Variants in RGMB observed in about 807,000 individuals in gnomAD.
The protein encoded by RGMB is repulsive guidance molecule B.
In RGMB, 16 loss-of-function variants were observed where a neutral mutation model predicts 26.9. The observed-to-expected ratio is 0.60, with a 90% CI of 0.40 to 0.90. The LOEUF (loss-of-function observed/expected upper bound fraction) is 0.90. Among genes scored for constraint, RGMB ranks in the 40% least tolerant of loss-of-function variants. The probability of loss-of-function intolerance (pLI) is 0.00; values close to 1 mark genes in which losing one functional copy is unlikely to be tolerated. For synonymous variants in RGMB, 225 were observed against 229.3 expected (o/e 0.98, Z 0.17); for missense variants, 512 against 573.3 (o/e 0.89, Z 1.09).
chr5:98,792,841 G>C (rs1746976064), intron 2 of RGMB: 1 of 339,358 alleles, frequency 2.9e-6, no homozygotes, highest in Non-Finnish European at 5.3e-6. Context: ...TTTCTCTTAG[G>C]AAAGTAAAAA....
intron 2 of RGMB, among the ~76,000 whole-genome samples, chr5:98,790,039 G>GA (rs1416050140): frequency 6.6e-6 from 1 of 152,166 alleles, no homozygotes; most frequent in Non-Finnish European, 1.5e-5. Flanking sequence ...TTCTGAAGAG[G>GA]AAGACAGTCT....
rs1264377993 is a variant in RGMB, at chr5:98,794,367, G to A, written c.*614G>A. 1 of 151,998 alleles carries A rather than the reference G, an allele frequency of 6.6e-6. No homozygotes were observed. Among genetic ancestry groups the A allele is most frequent in the African/African-American group, 2.4e-5 (1 of 41,402 alleles). 9.4% of individuals were successfully genotyped at this position (151,998 alleles called of 1,614,324 possible). On this transcript the variant is annotated 3_prime_UTR_variant, in exon 3 of 3. Coordinates refer to ENST00000513185, the MANE Select transcript of RGMB (RefSeq NM_001366508.1). Reference sequence around the variant, plus strand: ...AAGAGCTGTTACTTTTTCAGAAGGGGGGGTATTATTGGTATTCTGATTACT... The same window carrying A: ...AAGAGCTGTTACTTTTTCAGAAGGGAGGGTATTATTGGTATTCTGATTACT...
chr5:98,792,036 G>T (rs952982317), intron 2 of RGMB, among the ~76,000 whole-genome samples: 14 of 152,304 alleles, frequency 9.2e-5, no homozygotes, highest in South Asian at 4.1e-4. Flanking sequence ...GAAAACATTT[G>T]CTGTAACTAG....
At chr5:98,787,840 T>C (rs1746809945) in intron 2 of RGMB, among the ~76,000 whole-genome samples, 1 of 152,238 alleles carries the variant, frequency 6.6e-6, no homozygotes, top group Non-Finnish European at 1.5e-5. Flanking sequence ...CTGTTCCTTT[T>C]ATGTGTCTTC....
intron 2 of RGMB, among the ~76,000 whole-genome samples, chr5:98,784,196 G>C (rs1256274233): frequency 6.6e-6 from 1 of 152,148 alleles, no homozygotes; most frequent in East Asian, 1.9e-4. Context: ...TACGTTTTTG[G>C]TGCTGCCAAC....
At chr5:98,784,698 T>G (rs1746717374) in intron 2 of RGMB, among the ~76,000 whole-genome samples, 1 of 152,244 alleles carries the variant, frequency 6.6e-6, no homozygotes, top group African/African-American at 2.4e-5. Context: ...CCAGACCTAG[T>G]ACATTTATTG....
In RGMB at chr5:98,795,997, G is replaced by A. The variant is rs1243465845; in HGVS notation, c.*2244G>A. On this transcript the variant is annotated 3_prime_UTR_variant, in exon 3 of 3. Transcript: ENST00000513185. Reference sequence around the variant, plus strand: ...CATTTAAAAGCACCCTGCATCACTAGTAATAGTGTATTTTGCTATTCTGCC... The same window carrying A: ...CATTTAAAAGCACCCTGCATCACTAATAATAGTGTATTTTGCTATTCTGCC... 1 of 152,184 alleles carries A rather than the reference G, an allele frequency of 6.6e-6. No individual in the cohort carries two copies. The highest frequency in any genetic ancestry group is 6.5e-5 in the Admixed American group (1 of 15,284). The allele number at this position is 152,184 out of a possible 1,614,324, so 9.4% of individuals were successfully genotyped here.
intron 2 of RGMB, among the ~76,000 whole-genome samples, chr5:98,792,399 C>T (rs1746957270): frequency 6.6e-6 from 1 of 152,142 alleles, no homozygotes; most frequent in African/African-American, 2.4e-5. Context: ...CATGACTCAT[C>T]CACTTTGGAA....
rs1367939025 is a variant in RGMB at position 98,793,869 on chromosome 5, A to C, written c.*116A>C. 2.1e-5 allele frequency: 17 copies of C among 828,870 alleles called. No individual in the cohort carries two copies. Among genetic ancestry groups the C allele is most frequent in the Non-Finnish European group, 1.8e-6 (1 of 551,214 alleles). 51.3% of individuals were successfully genotyped at this position (828,870 alleles called of 1,614,324 possible). On this transcript the variant is annotated 3_prime_UTR_variant, in exon 3 of 3. Transcript: ENST00000513185. ...ATGTATATACCATGTATATGACAGG[A>C]TGTTTGTCCTGGGACACCCACCAGA... is the stretch of plus-strand genomic sequence containing the variant.
At chr5:98,770,810 A>C, upstream of RGMB, 1 of 523,210 alleles carries the variant, frequency 1.9e-6, no homozygotes. Flanking sequence ...TGAAAAAAAA[A>C]ATGATGTAAG....
At position 98,795,593 on chromosome 5, in the gene RGMB, A is replaced by G. The variant is rs1326629084; in HGVS notation, c.*1840A>G. On this transcript the variant is annotated 3_prime_UTR_variant, in exon 3 of 3. Coordinates refer to ENST00000513185, the MANE Select transcript of RGMB (RefSeq NM_001366508.1). The stretch of plus-strand genomic sequence containing the variant: ...TCTCCTTCTTACTCATGGAGATTCA[A>G]CTATAGAGAGTTGAAACCTAAACCC... 1 of 152,202 alleles carries G rather than the reference A, an allele frequency of 6.6e-6. No individual in the cohort carries two copies. Among genetic ancestry groups the G allele is most frequent in the Non-Finnish European group, 1.5e-5 (1 of 68,030 alleles). 9.4% of individuals were successfully genotyped at this position (152,202 alleles called of 1,614,324 possible). A position where few individuals can be genotyped will look rare whatever the true frequency, so the allele number is the denominator to read the frequency against.
chr5:98,774,054 G>T lies in RGMB; in HGVS notation c.-17G>T. 1.2e-6 allele frequency: 1 copy of T among 864,536 alleles called. No homozygotes were observed. Among genetic ancestry groups the T allele is most frequent in the Non-Finnish European group, 1.8e-6 (1 of 554,958 alleles). The allele number at this position is 864,536 out of a possible 1,614,324, so 53.6% of individuals were successfully genotyped here. A position where few individuals can be genotyped will look rare whatever the true frequency, so the allele number is the denominator to read the frequency against. ...CCGCCGCCCTCGCCGGAGCCCACGA[G>T]ACCTGCATGGACGGGCATGGGCTTG... On this transcript the variant is annotated 5_prime_UTR_variant, in exon 1 of 3. Coordinates refer to ENST00000513185, the MANE Select transcript of RGMB (RefSeq NM_001366508.1).
At chr5:98,787,505 T>G (rs983972377) in intron 2 of RGMB, among the ~76,000 whole-genome samples, 18 of 152,222 alleles carry the variant, frequency 1.2e-4, no homozygotes, top group African/African-American at 4.1e-4. Flanking sequence ...TTCAGAATAT[T>G]TTTAGCCTCT....
At chr5:98,781,780 T>C (rs935019694) in intron 2 of RGMB, among the ~76,000 whole-genome samples, 1 of 152,244 alleles carries the variant, frequency 6.6e-6, no homozygotes, top group Non-Finnish European at 1.5e-5. Context: ...ACTTCTGTTA[T>C]TCAGTCTTTC....
upstream of RGMB, chr5:98,771,002 G>A (rs1168022844): frequency 3.4e-6 from 1 of 290,858 alleles, no homozygotes; most frequent in Admixed American, 5.2e-5. Context: ...TCTGGAAATG[G>A]AGACATATTA....
chr5:98,779,451 G>C, intron 1 of RGMB, 129 bp from the exon 2 acceptor site: 2 of 872,682 alleles, frequency 2.3e-6, no homozygotes, highest in South Asian at 3.6e-5. Flanking sequence ...GTATCTGAAG[G>C]CTTCTTAAAA....
chr5:98,778,505 T>C (rs1746486914), intron 1 of RGMB, among the ~76,000 whole-genome samples: 1 of 152,174 alleles, frequency 6.6e-6, no homozygotes, highest in Admixed American at 6.5e-5. Context: ...TAAAGACCTA[T>C]AAAGATTTTA....
intron 2 of RGMB, among the ~76,000 whole-genome samples, chr5:98,788,594 T>C (rs776965228): frequency 6.6e-6 from 1 of 152,150 alleles, no homozygotes; most frequent in Non-Finnish European, 1.5e-5. Flanking sequence ...TTCTCCCCAG[T>C]TTTTATGTAA....
upstream of RGMB, chr5:98,772,561 G>C (rs918743050): frequency 6.6e-6 from 1 of 152,174 alleles, no homozygotes; most frequent in Admixed American, 6.5e-5. Context: ...AGGCGAGGGC[G>C]GTATCAAGTG....
Sources: allele counts gnomAD v4.1 joint callset (sites outside exome capture counted in the v4.1 genomes callset), GRCh38; gene constraint gnomAD v4.1.1; transcripts MANE v1.5; gene names NCBI Gene and HGNC (gene_info 2026-07-23, HGNC 2026-07-21).